The following RPSA2 variants were observed in gnomAD, a reference collection of about 807,000 sequenced individuals.
The protein encoded by RPSA2 is ribosomal protein SA 2.
At chr19:23,848,852 G>C in the RPSA2 span, among the ~76,000 whole-genome samples, 10 of 152,198 alleles carry the variant, frequency 6.6e-5, no homozygotes, top group Non-Finnish European at 1.5e-5. Context: ...TGAGCCATTT[G>C]AATAGATTGG....
At chr19:23,840,724 G>A in the RPSA2 span, among the ~76,000 whole-genome samples, 1 of 152,086 alleles carries the variant, frequency 6.6e-6, no homozygotes, top group Non-Finnish European at 1.5e-5. Context: ...CTGGGAAGCT[G>A]AGGTGGGCAG....
At chr19:23,851,818 T>C in the RPSA2 span, among the ~76,000 whole-genome samples, 1 of 152,304 alleles carries the variant, frequency 6.6e-6, no homozygotes, top group South Asian at 2.1e-4. Flanking sequence ...TTTTATAAAA[T>C]CAAACAATTT....
At chr19:23,761,902 T>TCCC in the RPSA2 span, among the ~76,000 whole-genome samples, 6 of 62,262 alleles carry the variant, frequency 9.6e-5, no homozygotes, top group African/African-American at 4.2e-4. Context: ...GGTAACGTAA[T>TCCC]TCTTTCTTTC....
the RPSA2 span, among the ~76,000 whole-genome samples, chr19:23,781,095 C>G: frequency 1.3e-5 from 2 of 152,258 alleles, no homozygotes; most frequent in Non-Finnish European, 1.5e-5. Flanking sequence ...TCACCTCAGC[C>G]TTCAGAGTAG....
At chr19:23,810,241 A>G in the RPSA2 span, among the ~76,000 whole-genome samples, 3 of 151,966 alleles carry the variant, frequency 2.0e-5, no homozygotes, top group Non-Finnish European at 4.4e-5. Context: ...AAAATACAAA[A>G]AAATTAGCCG....
the RPSA2 span, among the ~76,000 whole-genome samples, chr19:23,792,569 A>AT: frequency 1.5e-5 from 2 of 132,174 alleles, no homozygotes; most frequent in Non-Finnish European, 3.1e-5. Flanking sequence ...AGTAGCAACT[A>AT]AGTTTTTTTG....
the RPSA2 span, among the ~76,000 whole-genome samples, chr19:23,860,905 G>A: frequency 1.3e-5 from 2 of 152,072 alleles, no homozygotes; most frequent in African/African-American, 2.4e-5. Flanking sequence ...AACTTGCTCA[G>A]GCACACTTAT....
At chr19:23,863,424 C>G in the RPSA2 span, among the ~76,000 whole-genome samples, 6 of 151,994 alleles carry the variant, frequency 3.9e-5, no homozygotes, top group Admixed American at 1.3e-4. Flanking sequence ...ATTAGCCAGG[C>G]ATCGTGATAG....
At chr19:23,766,001 T>TA in the RPSA2 span, among the ~76,000 whole-genome samples, 1 of 152,014 alleles carries the variant, frequency 6.6e-6, no homozygotes. Context: ...TATTGAGCTG[T>TA]AAGGTAATAG....
the RPSA2 span, among the ~76,000 whole-genome samples, chr19:23,854,315 G>A: frequency 3.9e-5 from 6 of 152,162 alleles, no homozygotes; most frequent in Admixed American, 1.3e-4. Flanking sequence ...CAAAGAATTA[G>A]GTAGTAAATT....
the RPSA2 span, among the ~76,000 whole-genome samples, chr19:23,844,275 A>G: frequency 6.6e-6 from 1 of 151,822 alleles, no homozygotes; most frequent in Non-Finnish European, 1.5e-5. Context: ...TTTGCTTTGA[A>G]TTTTCTATAT....
At chr19:23,826,043 A>G in the RPSA2 span, among the ~76,000 whole-genome samples, 1 of 151,508 alleles carries the variant, frequency 6.6e-6, no homozygotes, top group East Asian at 1.9e-4. Flanking sequence ...AAAAAAAACA[A>G]AATTTACCAC....
the RPSA2 span, among the ~76,000 whole-genome samples, chr19:23,781,078 G>T: frequency 6.8e-4 from 104 of 152,244 alleles, 6 homozygotes; most frequent in Middle Eastern, 3.4e-3. Flanking sequence ...AGGTTCAAGC[G>T]ATTCTTTCAC....
At chr19:23,773,007 T>C in the RPSA2 span, among the ~76,000 whole-genome samples, 5 of 152,004 alleles carry the variant, frequency 3.3e-5, no homozygotes, top group African/African-American at 9.7e-5. Context: ...ACTAGCCGGG[T>C]TGCATTGAGT....
chr19:23,855,346 C>G, the RPSA2 span, among the ~76,000 whole-genome samples: 2 of 152,160 alleles, frequency 1.3e-5, no homozygotes, highest in Non-Finnish European at 2.9e-5. Context: ...GCAGAATGAC[C>G]TCAGTACAAA....
At chr19:23,792,258 G>T in the RPSA2 span, among the ~76,000 whole-genome samples, 2 of 152,108 alleles carry the variant, frequency 1.3e-5, no homozygotes, top group African/African-American at 4.8e-5. Flanking sequence ...TCCAAGCTGA[G>T]GCTAATATTG....
At chr19:23,823,716 C>G in the RPSA2 span, 2 of 152,250 alleles carry the variant, frequency 1.3e-5, no homozygotes, top group Non-Finnish European at 2.9e-5. Flanking sequence ...GGGACGGTTC[C>G]TGCCTTGGGC....
chr19:23,848,436 C>T, the RPSA2 span, among the ~76,000 whole-genome samples: 1 of 152,140 alleles, frequency 6.6e-6, no homozygotes, highest in Non-Finnish European at 1.5e-5. Flanking sequence ...ACAATGGAGC[C>T]CCTGGTAGAC....
the RPSA2 span, chr19:23,827,756 C>A: frequency 1.3e-6 from 2 of 1,583,420 alleles, no homozygotes; most frequent in Non-Finnish European, 1.7e-6. Flanking sequence ...GGAGGTCATG[C>A]CTGATCTGTA....
Sources: gnomAD v4.1 joint callset for allele counts (sites outside exome capture counted in the v4.1 genomes callset) on GRCh38, gnomAD v4.1.1 for gene constraint, MANE v1.5 for transcripts, NCBI Gene and HGNC (gene_info 2026-07-23, HGNC 2026-07-21) for gene names.